PCDH9: variants seen among roughly 807,000 people sequenced by gnomAD.
PCDH9 encodes protocadherin 9.
A neutral mutation model predicts 70.6 loss-of-function variants in PCDH9; 24 were observed. The observed-to-expected ratio is 0.34, with a 90% CI of 0.25 to 0.48. The LOEUF is 0.48. Ranked by LOEUF, PCDH9 falls within the 20% of genes least tolerant of loss-of-function variation. The probability of loss-of-function intolerance (pLI) is 0.99; values close to 1 mark genes in which losing one functional copy is unlikely to be tolerated. For missense variants in PCDH9, 1,281 were observed against 1,503.6 expected, an observed-to-expected ratio of 0.85 and a Z score of 2.45; for synonymous variants, 562 against 558.5, an observed-to-expected ratio of 1.01 and a Z score of -0.09.
intron 3 of PCDH9, among the ~76,000 whole-genome samples, chr13:66,819,746 A>C (rs1173392838): frequency 6.6e-6 from 1 of 152,140 alleles, no homozygotes; most frequent in African/African-American, 2.4e-5. Context: ...AAATTAAAAA[A>C]TTAGCAGTGC....
At chr13:66,454,520 C>T (rs1320774326) in intron 4 of PCDH9, among the ~76,000 whole-genome samples, 2 of 152,104 alleles carry the variant, frequency 1.3e-5, no homozygotes, top group Non-Finnish European at 2.9e-5. Flanking sequence ...TCTTTCCTAG[C>T]CAATGATATC....
intron 2 of PCDH9, among the ~76,000 whole-genome samples, chr13:66,965,802 G>A (rs566754956): frequency 9.7e-4 from 147 of 151,946 alleles, no homozygotes; most frequent in African/African-American, 3.1e-3. Context: ...TATTTTTAAT[G>A]TCAGCTATAG....
chr13:67,138,273 T>C (rs185942727), intron 2 of PCDH9, among the ~76,000 whole-genome samples: 28 of 152,268 alleles, frequency 1.8e-4, no homozygotes, highest in Admixed American at 1.6e-3. Context: ...GGCTGAAATA[T>C]CTGGCCTGTT....
chr13:66,894,317 T>C (rs997737700), intron 3 of PCDH9, among the ~76,000 whole-genome samples: 9 of 152,152 alleles, frequency 5.9e-5, no homozygotes, highest in Non-Finnish European at 1.3e-4. Context: ...AAATAATTTT[T>C]CCTTAACAAT....
intron 2 of PCDH9, among the ~76,000 whole-genome samples, chr13:67,077,781 T>C (rs1032402340): frequency 1.3e-5 from 2 of 152,092 alleles, no homozygotes; most frequent in African/African-American, 4.8e-5. Context: ...ACCACTAACA[T>C]TGAGGTCATC....
chr13:66,536,625 A>C (rs1208789126), intron 4 of PCDH9, among the ~76,000 whole-genome samples: 1 of 152,156 alleles, frequency 6.6e-6, no homozygotes, highest in African/African-American at 2.4e-5. Flanking sequence ...ACTTGGAGAA[A>C]TTAGAAAAAT....
chr13:66,975,669 A>G (rs958743), intron 2 of PCDH9, among the ~76,000 whole-genome samples: 150,809 of 152,110 alleles, frequency 0.99, 74,771 homozygotes, highest in East Asian at 1. Flanking sequence ...TTACTGTATC[A>G]TTAATGCTCT....
chr13:66,609,926 T>C (rs923680927), intron 4 of PCDH9, among the ~76,000 whole-genome samples: 2 of 151,250 alleles, frequency 1.3e-5, no homozygotes, highest in Admixed American at 6.6e-5. Flanking sequence ...AGAACACTGA[T>C]ACCAGTAAGG....
At chr13:67,086,834 A>G (rs560913505) in intron 2 of PCDH9, among the ~76,000 whole-genome samples, 25 of 152,312 alleles carry the variant, frequency 1.6e-4, no homozygotes, top group African/African-American at 6.0e-4. Flanking sequence ...TTGCAAGTTG[A>G]TACAAACTTA....
At chr13:67,091,803 T>C (rs2086224220) in intron 2 of PCDH9, among the ~76,000 whole-genome samples, 1 of 152,160 alleles carries the variant, frequency 6.6e-6, no homozygotes, top group African/African-American at 2.4e-5. Flanking sequence ...TCATAGACAC[T>C]TACAATTTCC....
At chr13:67,140,030 C>CT (rs1414107591) in intron 2 of PCDH9, among the ~76,000 whole-genome samples, 5 of 111,660 alleles carry the variant, frequency 4.5e-5, no homozygotes, top group African/African-American at 1.7e-4. Context: ...TGATCACCCC[C>CT]CCCCCCCCGC....
intron 3 of PCDH9, among the ~76,000 whole-genome samples, chr13:66,848,854 G>A (rs145793160): frequency 0.024 from 3,600 of 150,624 alleles, 138 homozygotes; most frequent in African/African-American, 0.081. Context: ...CGTGAACCCC[G>A]GAGGCGGAGC....
chr13:66,429,435 T>TTC (rs1394658541), intron 4 of PCDH9, among the ~76,000 whole-genome samples: 1 of 150,634 alleles, frequency 6.6e-6, no homozygotes, highest in Non-Finnish European at 1.5e-5. Flanking sequence ...TTTCTGTTTT[T>TTC]TTTTTTTAAT....
At chr13:67,081,440 C>T (rs995208557) in intron 2 of PCDH9, among the ~76,000 whole-genome samples, 9 of 152,040 alleles carry the variant, frequency 5.9e-5, no homozygotes, top group African/African-American at 1.4e-4. Context: ...TGATGGCATG[C>T]ACCTGTAATC....
intron 3 of PCDH9, among the ~76,000 whole-genome samples, chr13:66,829,696 C>A (rs189348409): frequency 8.0e-4 from 82 of 101,982 alleles, no homozygotes; most frequent in African/African-American, 3.2e-3. Flanking sequence ...CCAGCCTGGG[C>A]GACAGAGCGA....
chr13:66,731,345 T>A (rs2079077560), intron 3 of PCDH9, among the ~76,000 whole-genome samples: 1 of 152,158 alleles, frequency 6.6e-6, no homozygotes, highest in South Asian at 2.1e-4. Context: ...TTTGCATGAA[T>A]ATGGTTCTAA....
intron 2 of PCDH9, among the ~76,000 whole-genome samples, chr13:67,144,433 A>T (rs1277733494): frequency 6.6e-6 from 1 of 152,172 alleles, no homozygotes. Flanking sequence ...CATAAAGTCC[A>T]GTGTCTATTA....
At chr13:66,703,155 C>G (rs2078668468) in intron 3 of PCDH9, among the ~76,000 whole-genome samples, 1 of 152,138 alleles carries the variant, frequency 6.6e-6, no homozygotes, top group Non-Finnish European at 1.5e-5. Context: ...ATACATTACC[C>G]ACAATTTTAA....
intron 4 of PCDH9, among the ~76,000 whole-genome samples, chr13:66,571,463 A>C: frequency 6.6e-6 from 1 of 152,072 alleles, no homozygotes; most frequent in East Asian, 1.9e-4. Context: ...AGGGCATTAT[A>C]AAAAGACTTA....
Sources: gnomAD v4.1 joint callset for allele counts (sites outside exome capture counted in the v4.1 genomes callset) on GRCh38, gnomAD v4.1.1 for gene constraint, MANE v1.5 for transcripts, NCBI Gene and HGNC (gene_info 2026-07-23, HGNC 2026-07-21) for gene names.